PVT1: variants seen among roughly 807,000 people sequenced by gnomAD.
PVT1 encodes CXCR4/PVT1 fusion.
At chr8:127,910,201 C>T (rs1815877621) in intron 3 of PVT1, among the ~76,000 whole-genome samples, 1 of 151,996 alleles carries the variant, frequency 6.6e-6, no homozygotes, top group Non-Finnish European at 1.5e-5. Flanking sequence ...GCTGGCCACG[C>T]AAGGGGAAGA....
At chr8:127,839,494 G>A (rs539399314) in intron 2 of PVT1, among the ~76,000 whole-genome samples, 57 of 150,096 alleles carry the variant, frequency 3.8e-4, no homozygotes, top group African/African-American at 1.3e-3. Context: ...AGCCTGCAGT[G>A]AGCCGTGATT....
intron 2 of PVT1, among the ~76,000 whole-genome samples, chr8:127,850,497 C>A (rs1815096161): frequency 6.6e-6 from 1 of 152,050 alleles, no homozygotes; most frequent in Non-Finnish European, 1.5e-5. Flanking sequence ...GTGTAGATTT[C>A]ATACCACAGA....
intron 4 of PVT1, among the ~76,000 whole-genome samples, chr8:128,019,775 C>T (rs1213582683): frequency 6.6e-6 from 1 of 152,100 alleles, no homozygotes; most frequent in Non-Finnish European, 1.5e-5. Flanking sequence ...GCAGAATCGG[C>T]CCCCCAGGAG....
intron 3 of PVT1, among the ~76,000 whole-genome samples, chr8:127,968,142 G>A (rs1468029672): frequency 6.6e-6 from 1 of 152,224 alleles, no homozygotes. Context: ...GGCAGCTGGG[G>A]AGAAGTTCTG....
intron 3 of PVT1, among the ~76,000 whole-genome samples, chr8:127,909,169 T>C (rs1563636375): frequency 6.6e-6 from 1 of 152,234 alleles, no homozygotes; most frequent in Non-Finnish European, 1.5e-5. Flanking sequence ...TGAGGAGATC[T>C]GGTTGAAAGA....
chr8:127,889,840 T>C (rs2129801849), intron 2 of PVT1, among the ~76,000 whole-genome samples: 1 of 152,348 alleles, frequency 6.6e-6, no homozygotes, highest in African/African-American at 2.4e-5. Flanking sequence ...TTTTAGCCGA[T>C]ACATCATAGA....
At chr8:127,893,159 T>C (rs17775439) in intron 3 of PVT1, among the ~76,000 whole-genome samples, 35,947 of 152,150 alleles carry the variant, frequency 0.24, 5,148 homozygotes, top group Middle Eastern at 0.38. Flanking sequence ...CTCCATTTAT[T>C]AAGCCATGCT....
chr8:128,012,949 C>T (rs531217654), intron 4 of PVT1, among the ~76,000 whole-genome samples: 3 of 152,294 alleles, frequency 2.0e-5, no homozygotes, highest in South Asian at 2.1e-4. Flanking sequence ...TGGTGTGGGG[C>T]AGGTTTGCAC....
At chr8:127,942,282 T>C (rs1280180232) in intron 3 of PVT1, among the ~76,000 whole-genome samples, 1 of 152,176 alleles carries the variant, frequency 6.6e-6, no homozygotes, top group Non-Finnish European at 1.5e-5. Context: ...TCATGGAGAA[T>C]TTCCATGGCT....
chr8:127,909,238 T>C (rs1815861255), intron 3 of PVT1, among the ~76,000 whole-genome samples: 2 of 152,380 alleles, frequency 1.3e-5, no homozygotes, highest in African/African-American at 2.4e-5. Flanking sequence ...CCTTGCCTAT[T>C]GGCTACTTTT....
At chr8:127,965,903 G>A (rs1816698665) in intron 3 of PVT1, among the ~76,000 whole-genome samples, 1 of 152,174 alleles carries the variant, frequency 6.6e-6, no homozygotes, top group African/African-American at 2.4e-5. Flanking sequence ...GAGAGGCAAG[G>A]AGGTTACAGG....
At position 128,000,624 on chromosome 8, in the gene PVT1, G is replaced by A. The variant is rs544000004; in HGVS notation, n.912+11333G>A. ...AGGAAAACTGGCAGGTGGGAAGGGC[G>A]GAGGGCCTTGCCCCTTCCCATTTGC... On this transcript the variant is annotated intron_variant and non_coding_transcript_variant, in intron 4 of 10. Coordinates refer to ENST00000651587, the Ensembl canonical transcript of PVT1. 7.9e-5 allele frequency among the ~76,000 whole-genome samples: 12 copies of A among 152,348 alleles called. No individual in the cohort carries two copies. In the South Asian group the frequency reaches 1.5e-3, roughly 18 times the overall value.
intron 2 of PVT1, among the ~76,000 whole-genome samples, chr8:127,801,399 G>A (rs1169530586): frequency 6.6e-6 from 1 of 151,752 alleles, no homozygotes; most frequent in African/African-American, 2.4e-5. Context: ...GTGCCACCAC[G>A]CCTGGCTAAT....
In PVT1 at chr8:127,898,321, A is replaced by G. The variant is rs1461709568; in HGVS notation, n.782+7323A>G. On this transcript the variant is annotated intron_variant and non_coding_transcript_variant, in intron 3 of 10. Coordinates refer to ENST00000651587, the Ensembl canonical transcript of PVT1. The surrounding 1 kb of genome is among the most constrained non-coding windows in gnomAD (Gnocchi z 4.4). Reference sequence around the variant, plus strand: ...TAAAATAATGTAAAGAAAGAAAATAATGTAAAGAAAGAAAAGAAAGGAAAG... The same window carrying G: ...TAAAATAATGTAAAGAAAGAAAATAGTGTAAAGAAAGAAAAGAAAGGAAAG... Among the ~76,000 whole-genome samples, 1 of 152,234 alleles carries G rather than the reference A, an allele frequency of 6.6e-6. No homozygotes were observed. Among genetic ancestry groups the G allele is most frequent in the African/African-American group, 2.4e-5 (1 of 41,464 alleles).
At chr8:128,003,200 G>C (rs985413600) in intron 4 of PVT1, among the ~76,000 whole-genome samples, 2 of 123,546 alleles carry the variant, frequency 1.6e-5, no homozygotes, top group African/African-American at 6.3e-5. Context: ...CACTGTGTTA[G>C]ACAATCCTGC....
chr8:127,827,193 C>T (rs1300409243), intron 2 of PVT1, among the ~76,000 whole-genome samples: 1 of 152,010 alleles, frequency 6.6e-6, no homozygotes, highest in Non-Finnish European at 1.5e-5. Flanking sequence ...CGGGGTTTCT[C>T]CATGTTGGTC....
intron 5 of PVT1, among the ~76,000 whole-genome samples, chr8:128,072,533 G>A (rs1159232870): frequency 2.0e-5 from 3 of 152,114 alleles, no homozygotes; most frequent in South Asian, 2.1e-4. Context: ...TATATTATGT[G>A]TCTCATCTCA....
intron 5 of PVT1, among the ~76,000 whole-genome samples, chr8:128,083,995 T>C (rs1563683033): frequency 6.6e-6 from 1 of 152,194 alleles, no homozygotes; most frequent in Non-Finnish European, 1.5e-5. Flanking sequence ...TACCCCCTAC[T>C]TACCTTCTCC....
At chr8:127,818,296 G>A (rs117487331) in intron 2 of PVT1, among the ~76,000 whole-genome samples, 1,971 of 152,210 alleles carry the variant, frequency 0.013, 19 homozygotes, top group Non-Finnish European at 0.021. Flanking sequence ...TAAACTTATC[G>A]CAACTGAATA....
Sources: gnomAD v4.1 joint callset for allele counts (sites outside exome capture counted in the v4.1 genomes callset) on GRCh38, gnomAD v4.1.1 for gene constraint, Gnocchi (gnomAD v3.1) non-coding constraint, MANE v1.5 for transcripts, NCBI Gene and HGNC (gene_info 2026-07-23, HGNC 2026-07-21) for gene names.